The following LRRC37A2 variants were observed in gnomAD, a reference collection of about 807,000 sequenced individuals.
LRRC37A2 encodes leucine rich repeat containing 37 member A2.
Under a neutral mutation model 68.8 loss-of-function variants are expected in LRRC37A2, and 9 were observed. That is an observed-to-expected ratio of 0.13 (90% CI 0.08 to 0.23). The LOEUF (loss-of-function observed/expected upper bound fraction) is 0.23, where lower values mean the gene tolerates loss of function less well. LRRC37A2 is among the 10% of genes least tolerant of loss of function. The pLI is 1.00. For synonymous variants in LRRC37A2, 63 were observed against 367.6 expected, an observed-to-expected ratio of 0.17 and a Z score of 9.48; for missense variants, 168 against 950.4, an observed-to-expected ratio of 0.18 and a Z score of 10.82.
At chr17:46,493,826 C>T in the LRRC37A2 span, among the ~76,000 whole-genome samples, 2 of 150,734 alleles carry the variant, frequency 1.3e-5, no homozygotes, top group African/African-American at 5.0e-5. Context: ...CGTGAGCCAC[C>T]ACACCAGGCC....
the LRRC37A2 span, among the ~76,000 whole-genome samples, chr17:46,796,734 G>C: frequency 6.6e-6 from 1 of 152,334 alleles, no homozygotes; most frequent in South Asian, 2.1e-4. Flanking sequence ...AGCGGTGCCT[G>C]ATCAGTCCCT....
the LRRC37A2 span, among the ~76,000 whole-genome samples, chr17:46,615,701 A>T: frequency 6.4e-5 from 3 of 46,626 alleles, no homozygotes; most frequent in African/African-American, 3.4e-4. Flanking sequence ...TGGGTGATAA[A>T]GCCAGACCTT....
the LRRC37A2 span, among the ~76,000 whole-genome samples, chr17:46,999,529 T>G: frequency 6.6e-6 from 1 of 152,030 alleles, no homozygotes; most frequent in South Asian, 2.1e-4. Context: ...TTGTAATTTT[T>G]TGTAGAGACG....
At chr17:46,638,558 G>A in the LRRC37A2 span, among the ~76,000 whole-genome samples, 1 of 83,816 alleles carries the variant, frequency 1.2e-5, no homozygotes, top group African/African-American at 6.0e-5. Context: ...TGTACTTTTA[G>A]TAGAGATGGG....
the LRRC37A2 span, among the ~76,000 whole-genome samples, chr17:47,003,386 A>T: frequency 6.6e-6 from 1 of 152,210 alleles, no homozygotes; most frequent in African/African-American, 2.4e-5. Context: ...GCAGATGAGC[A>T]CATCAACTAC....
the LRRC37A2 span, among the ~76,000 whole-genome samples, chr17:46,995,295 C>A: frequency 1.3e-5 from 2 of 152,214 alleles, no homozygotes; most frequent in African/African-American, 2.4e-5. Context: ...GCCGAGCCCC[C>A]TGGGCCTGAA....
chr17:46,795,161 G>A, the LRRC37A2 span, among the ~76,000 whole-genome samples: 2 of 152,058 alleles, frequency 1.3e-5, no homozygotes, highest in Admixed American at 1.3e-4. Context: ...GGTGCTGAGG[G>A]AATTGTTCCC....
chr17:46,713,793 T>C, the LRRC37A2 span: 1 of 1,559,644 alleles, frequency 6.4e-7, no homozygotes, highest in Non-Finnish European at 8.7e-7. Flanking sequence ...TTTAAACTTG[T>C]TTTATTTCCC....
the LRRC37A2 span, among the ~76,000 whole-genome samples, chr17:46,881,901 G>T: frequency 6.6e-6 from 1 of 151,984 alleles, no homozygotes; most frequent in Non-Finnish European, 1.5e-5. Context: ...GAACCACAAG[G>T]CCATCACCAC....
chr17:46,494,663 G>T, the LRRC37A2 span, among the ~76,000 whole-genome samples: 1 of 151,462 alleles, frequency 6.6e-6, no homozygotes, highest in Non-Finnish European at 1.5e-5. Flanking sequence ...ATTTTGTTGT[G>T]GTCGTTGTTC....
At chr17:46,935,778 C>T in the LRRC37A2 span, 2 of 984,448 alleles carry the variant, frequency 2.0e-6, no homozygotes, top group Non-Finnish European at 2.4e-6. Flanking sequence ...GAGACTCCAG[C>T]CCCTGGGAGT....
the LRRC37A2 span, among the ~76,000 whole-genome samples, chr17:46,777,242 C>T: frequency 5.9e-5 from 9 of 152,186 alleles, no homozygotes; most frequent in African/African-American, 9.7e-5. Context: ...AAGCAGAGGC[C>T]GTGAAAGAGG....
chr17:46,766,419 A>G, the LRRC37A2 span, among the ~76,000 whole-genome samples: 2 of 152,068 alleles, frequency 1.3e-5, no homozygotes, highest in African/African-American at 4.8e-5. Flanking sequence ...AAAAAAAAAA[A>G]AAGTTCTGCT....
At chr17:46,815,274 C>T in the LRRC37A2 span, among the ~76,000 whole-genome samples, 8 of 152,162 alleles carry the variant, frequency 5.3e-5, no homozygotes, top group Admixed American at 2.0e-4. Context: ...TTTCCTGTCC[C>T]GGCTCTGTCA....
the LRRC37A2 span, among the ~76,000 whole-genome samples, chr17:46,758,583 C>T: frequency 6.6e-6 from 1 of 152,148 alleles, no homozygotes; most frequent in Non-Finnish European, 1.5e-5. Context: ...GTTATTTTAT[C>T]CTTTCTAAAT....
the LRRC37A2 span, chr17:46,935,532 C>T: frequency 7.9e-7 from 1 of 1,258,948 alleles, no homozygotes; most frequent in Admixed American, 3.8e-5. Context: ...TCCTTTGGTA[C>T]CTCGCTTTAA....
At chr17:46,953,697 G>C in the LRRC37A2 span, among the ~76,000 whole-genome samples, 13 of 151,974 alleles carry the variant, frequency 8.6e-5, no homozygotes, top group East Asian at 2.1e-3. Flanking sequence ...CTCTCCAGCA[G>C]CTGTTGTTTC....
chr17:46,534,127 C>A (rs1159522834), intron 6 of LRRC37A2, among the ~76,000 whole-genome samples: 1 of 146,038 alleles, frequency 6.8e-6, no homozygotes, highest in Non-Finnish European at 1.5e-5. Flanking sequence ...AATGCTGTCA[C>A]CTCAGCCTCC....
chr17:46,939,523 A>G, the LRRC37A2 span: 1 of 985,700 alleles, frequency 1.0e-6, no homozygotes. Flanking sequence ...GTGGCTTGGC[A>G]CCTGCGCCCA....
Sources: gnomAD v4.1 joint callset for allele counts (sites outside exome capture counted in the v4.1 genomes callset) on GRCh38, gnomAD v4.1.1 for gene constraint, MANE v1.5 for transcripts, NCBI Gene and HGNC (gene_info 2026-07-23, HGNC 2026-07-21) for gene names.